INPP5B: variants seen among roughly 807,000 people sequenced by gnomAD.
INPP5B encodes the protein type II inositol 1,4,5-trisphosphate 5-phosphatase.
Under a neutral mutation model 118.5 loss-of-function variants are expected in INPP5B, and 90 were observed. That is an observed-to-expected ratio of 0.76 (90% CI 0.64 to 0.90). The LOEUF (loss-of-function observed/expected upper bound fraction) is 0.90. INPP5B is among the 40% of genes least tolerant of loss of function. The pLI is 0.00. For synonymous variants in INPP5B, 385 were observed against 418.9 expected, an observed-to-expected ratio of 0.92 and a Z score of 0.99; for missense variants, 984 against 1,125.6, an observed-to-expected ratio of 0.87 and a Z score of 1.80.
chr1:37,892,189 G>A (rs1467825100), intron 7 of INPP5B, among the ~76,000 whole-genome samples: 2 of 152,184 alleles, frequency 1.3e-5, no homozygotes, highest in Admixed American at 6.5e-5. Context: ...AGGGTCAACT[G>A]AGTTGACATA....
At chr1:37,911,250 C>T (rs1356349233) in intron 7 of INPP5B, among the ~76,000 whole-genome samples, 2 of 152,204 alleles carry the variant, frequency 1.3e-5, no homozygotes, top group South Asian at 2.1e-4. Context: ...CCTCCTCACA[C>T]TTGACGCATA....
chr1:37,871,550 G>T (rs923770411), intron 19 of INPP5B, among the ~76,000 whole-genome samples: 1 of 151,470 alleles, frequency 6.6e-6, no homozygotes, highest in African/African-American at 2.4e-5. Flanking sequence ...GGCAGATCAC[G>T]TGAGGTCAGG....
At chr1:37,889,858 TACTAA>T (rs1283209201) in intron 8 of INPP5B, 134 bp from the exon 9 acceptor site, 12 of 574,644 alleles carry the variant, frequency 2.1e-5, no homozygotes, top group Middle Eastern at 5.8e-4. Context: ...AAAATTTATC[TACTAA>T]AACAACACTA....
chr1:37,886,848 A>G (rs1643569402), intron 12 of INPP5B, 40 bp downstream of exon 12: 5 of 1,449,576 alleles, frequency 3.4e-6, no homozygotes, highest in Non-Finnish European at 3.9e-6. Flanking sequence ...CTCAGGAGCT[A>G]AGGTCCTCAA....
chr1:37,869,519 C>T (rs904812266), intron 19 of INPP5B, among the ~76,000 whole-genome samples: 5 of 151,486 alleles, frequency 3.3e-5, no homozygotes, highest in African/African-American at 1.2e-4. Context: ...CTTGCTCTGT[C>T]GCCCAGGCTC....
intron 6 of INPP5B, among the ~76,000 whole-genome samples, chr1:37,933,363 A>G (rs1645564534): frequency 1.3e-5 from 2 of 152,220 alleles, no homozygotes; most frequent in Middle Eastern, 3.4e-3. Context: ...CCTGGCTAAC[A>G]TGGTGAAACC....
At chr1:37,943,605 C>T in intron 5 of INPP5B, 35 bp downstream of exon 5, 3 of 1,611,980 alleles carry the variant, frequency 1.9e-6, no homozygotes, top group Non-Finnish European at 2.5e-6. Context: ...GGCACCCCTG[C>T]CCCGAGTGGG....
At chr1:37,922,692 T>C (rs992890571) in intron 7 of INPP5B, among the ~76,000 whole-genome samples, 4 of 152,000 alleles carry the variant, frequency 2.6e-5, no homozygotes, top group African/African-American at 9.7e-5. Flanking sequence ...CGAGACTCCG[T>C]CTCAAAAAAA....
chr1:37,945,902 C>G (rs1646095025), intron 2 of INPP5B, 52 bp from the exon 3 acceptor site: 1 of 1,523,044 alleles, frequency 6.6e-7, no homozygotes, highest in African/African-American at 1.4e-5. Flanking sequence ...CTCTCCCCAC[C>G]CAGGCTGTCC....
chr1:37,868,344 TC>T (rs1353771982), intron 20 of INPP5B, among the ~76,000 whole-genome samples, 156 bp downstream of exon 20: 1 of 148,644 alleles, frequency 6.7e-6, no homozygotes, highest in Non-Finnish European at 1.5e-5. Flanking sequence ...TAGCAGGGTC[TC>T]CCAGGAGTGT....
intron 19 of INPP5B, among the ~76,000 whole-genome samples, chr1:37,869,386 C>CT (rs1277617976): frequency 2.0e-5 from 3 of 151,784 alleles, no homozygotes; most frequent in Non-Finnish European, 4.4e-5. Context: ...CTCAAGTGAT[C>CT]TACCCATCTC....
At chr1:37,902,289 T>C (rs1644360956) in intron 7 of INPP5B, among the ~76,000 whole-genome samples, 1 of 152,044 alleles carries the variant, frequency 6.6e-6, no homozygotes, top group Non-Finnish European at 1.5e-5. Flanking sequence ...ACCCAGCCTC[T>C]CTTAAATATT....
At chr1:37,871,493 C>T (rs1399728887) in intron 19 of INPP5B, among the ~76,000 whole-genome samples, 2 of 151,656 alleles carry the variant, frequency 1.3e-5, no homozygotes, top group South Asian at 2.1e-4. Flanking sequence ...AAAGGCCAGG[C>T]GTGGTGGCTT....
chr1:37,924,580 G>C (rs997655668), intron 7 of INPP5B, among the ~76,000 whole-genome samples: 9 of 152,014 alleles, frequency 5.9e-5, no homozygotes. Flanking sequence ...CCATTTTAAA[G>C]ACATAAGAGG....
At chr1:37,934,914 T>C (rs1026163475) in intron 6 of INPP5B, among the ~76,000 whole-genome samples, 2 of 150,758 alleles carry the variant, frequency 1.3e-5, no homozygotes, top group African/African-American at 2.4e-5. Flanking sequence ...TAAGATGGAG[T>C]CTTGGCCGGG....
chr1:37,865,048 A>G (rs1475211164), intron 22 of INPP5B, among the ~76,000 whole-genome samples: 1 of 152,110 alleles, frequency 6.6e-6, no homozygotes, highest in Non-Finnish European at 1.5e-5. Context: ...TTAGCCAGGC[A>G]TGGTGGTGCA....
Position 37,875,679 on chromosome 1 carries a change from AG to A in INPP5B, c.1714del (p.Leu572TrpfsTer31), listed in dbSNP as rs1275207812. On this transcript the variant is annotated frameshift_variant, in exon 17 of 24. Transcript: ENST00000373024. LOFTEE classifies it high-confidence loss of function. ...ATCCAGGGAGCGAACAATTTCCTCC[AG>A]TGTCTTCCGGTAAAGCTCGTCATTT... ...VVNDELYRKT[L>X]EEIVRSLDKM... 6.2e-7 allele frequency: 1 copy of A among 1,614,048 alleles called. No individual in the cohort carries two copies. The highest frequency in any genetic ancestry group is 1.3e-5 in the African/African-American group (1 of 74,942).
intron 7 of INPP5B, chr1:37,931,490 CACGCCTAAGAAGAACATCACAGA>C: frequency 6.5e-7 from 1 of 1,534,042 alleles, no homozygotes; most frequent in Non-Finnish European, 8.7e-7. Flanking sequence ...CCTCGTCACG[CACGCCTAAGAAGAACATCACAGA>C]ACTTCTGCCC....
At chr1:37,943,280 T>C (rs1646001119) in intron 5 of INPP5B, among the ~76,000 whole-genome samples, 1 of 152,068 alleles carries the variant, frequency 6.6e-6, no homozygotes, top group South Asian at 2.1e-4. Flanking sequence ...CGTGAGCCAC[T>C]GCCCTGGCCT....
Sources: gnomAD v4.1 joint callset for allele counts (sites outside exome capture counted in the v4.1 genomes callset) on GRCh38, gnomAD v4.1.1 for gene constraint, MANE v1.5 for transcripts, NCBI Gene and HGNC (gene_info 2026-07-23, HGNC 2026-07-21) for gene names.